CPSF3: variants seen among roughly 807,000 people sequenced by gnomAD.
The protein encoded by CPSF3 is cleavage and polyadenylation specificity factor subunit 3.
In CPSF3, 57 loss-of-function variants were observed where a neutral mutation model predicts 84.1. The observed-to-expected ratio is 0.68, with a 90% confidence interval of 0.55 to 0.85. CPSF3 has a LOEUF of 0.85. CPSF3 is among the 40% of genes least tolerant of loss of function. CPSF3 has a pLI of 0.00. For missense variants in CPSF3, 522 were observed against 838.8 expected (o/e 0.62, Z 4.66); for synonymous variants, 275 against 278.1 (o/e 0.99, Z 0.11).
In CPSF3 at chr2:9,433,868, C is replaced by T. The variant is rs371153328; in HGVS notation, c.520-3C>T. 1 of 1,595,552 alleles carries T rather than the reference C, an allele frequency of 6.3e-7. No homozygotes were observed. Among genetic ancestry groups the T allele is most frequent in the African/African-American group, 1.4e-5 (1 of 74,068 alleles). On this transcript the variant is annotated splice_region_variant and splice_polypyrimidine_tract_variant and intron_variant, in intron 5 of 17. Coordinates refer to ENST00000238112, the MANE Select transcript of CPSF3 (RefSeq NM_016207.4). Reference sequence around the variant, plus strand: ...TAACTTTCTAGTTTTATCTTTTTCACAGCTTTTGTACACTGGTGATTTCTC... The same window carrying T: ...TAACTTTCTAGTTTTATCTTTTTCATAGCTTTTGTACACTGGTGATTTCTC...
At chr2:9,466,196 TCACACACACACGCGCACACACGCACG>T (rs1681906392) in intron 15 of CPSF3, among the ~76,000 whole-genome samples, 1 of 141,548 alleles carries the variant, frequency 7.1e-6, no homozygotes, top group South Asian at 2.3e-4. Flanking sequence ...ACACACGCGC[TCACACACACACGCGCACACACGCACG>T]CACACACACA....
rs536286172 is a variant in CPSF3, at chr2:9,433,979, T to C, written c.609+19T>C. 12 of 1,361,970 alleles carry C rather than the reference T, an allele frequency of 8.8e-6. No individual in the cohort carries two copies. The highest frequency in any genetic ancestry group is 1.2e-5 in the Non-Finnish European group (12 of 964,706). The allele number at this position is 1,361,970 out of a possible 1,614,324, so 84.4% of individuals were successfully genotyped here. On this transcript the variant is annotated intron_variant, in intron 6 of 17. Coordinates refer to ENST00000238112, the MANE Select transcript of CPSF3 (RefSeq NM_016207.4). The stretch of plus-strand genomic sequence containing the variant: ...TATCATTGTAAGTATTAATATACTA[T>C]ATTGTAATCAATGTAATGTAAGCAG...
Position 9,455,729 on chromosome 2 carries a change from GCT to G in CPSF3, c.1578_1579del (p.Cys527LeufsTer9). On this transcript the variant is annotated frameshift_variant, in exon 13 of 18. Coordinates refer to ENST00000238112, the MANE Select transcript of CPSF3 (RefSeq NM_016207.4). LOFTEE classifies it high-confidence loss of function. The stretch of plus-strand genomic sequence containing the variant: ...TTCCATATACTGGTCCCTTTAATTT[GCT>G]CTGTTACCAGCTGCAGAAATTGACA... ...AIPYTGPFNL[L>X]CYQLQKLTGD... 1 of 1,613,638 alleles carries G rather than the reference GCT, an allele frequency of 6.2e-7. No homozygotes were observed. Among genetic ancestry groups the G allele is most frequent in the Non-Finnish European group, 8.5e-7 (1 of 1,179,762 alleles).
intron 12 of CPSF3, 32 bp from the exon 13 acceptor site, chr2:9,455,627 T>G (rs775633343): frequency 1.3e-6 from 2 of 1,483,578 alleles, no homozygotes; most frequent in Non-Finnish European, 1.9e-6. Flanking sequence ...AGGACTAGTA[T>G]TTCTTCAAGT....
intron 6 of CPSF3, 45 bp from the exon 7 acceptor site, chr2:9,436,166 G>A: frequency 6.8e-7 from 1 of 1,474,864 alleles, no homozygotes; most frequent in South Asian, 1.4e-5. Context: ...TTGAATTCTT[G>A]GAGGATCATT....
intron 1 of CPSF3, among the ~76,000 whole-genome samples, chr2:9,426,048 C>G (rs910877004): frequency 2.0e-5 from 3 of 152,148 alleles, no homozygotes; most frequent in African/African-American, 7.2e-5. Flanking sequence ...CATAATCTTT[C>G]CAAGGTTCAA....
chr2:9,431,647 A>G (rs986202492), intron 4 of CPSF3, among the ~76,000 whole-genome samples: 8 of 149,218 alleles, frequency 5.4e-5, no homozygotes, highest in Non-Finnish European at 1.2e-4. Flanking sequence ...GGGTTCAGGC[A>G]ATTCTCATGT....
chr2:9,433,160 A>G (rs1209981528), intron 5 of CPSF3, among the ~76,000 whole-genome samples: 1 of 152,188 alleles, frequency 6.6e-6, no homozygotes, highest in African/African-American at 2.4e-5. Context: ...ACTTCTGACA[A>G]CGTGGGTGGG....
chr2:9,426,602 C>T (rs975636722), intron 1 of CPSF3, among the ~76,000 whole-genome samples: 1 of 151,978 alleles, frequency 6.6e-6, no homozygotes, highest in African/African-American at 2.4e-5. Flanking sequence ...AGCAAACCCT[C>T]GGAATATCAA....
rs371143282 is a variant in CPSF3, at chr2:9,448,260, T to C, written c.1305T>C (p.Tyr435=). The C allele has an allele frequency of 1.2e-6, 2 of 1,612,374 alleles. No homozygotes were observed. The highest frequency in any genetic ancestry group is 1.7e-6 in the Non-Finnish European group (2 of 1,178,662). The change falls in exon 11 of 18, where the codon TAT becomes TAC. Residue 435 remains tyrosine, a synonymous_variant. Coordinates refer to ENST00000238112, the MANE Select transcript of CPSF3 (RefSeq NM_016207.4). ...ARLKAALIRE[Y]EDNDEVHIEV... is the part of the protein sequence containing the mutation. Reference sequence around the variant, plus strand: ...TGAAAGCAGCACTGATTCGAGAATATGAAGATAACGATGAAGTTCACATAG... The same window carrying C: ...TGAAAGCAGCACTGATTCGAGAATACGAAGATAACGATGAAGTTCACATAG...
intron 7 of CPSF3, among the ~76,000 whole-genome samples, chr2:9,438,386 A>G (rs1051314776): frequency 6.6e-6 from 1 of 152,362 alleles, no homozygotes; most frequent in East Asian, 1.9e-4. Context: ...GCCACCATCA[A>G]ATTGGGTTGC....
At position 9,443,565 on chromosome 2, in the gene CPSF3, A is replaced by G; in HGVS notation, c.1146A>G (p.Leu382=). The G allele has an allele frequency of 6.2e-7, 1 of 1,614,138 alleles. No homozygotes were observed. The highest frequency in any genetic ancestry group is 1.1e-5 in the South Asian group (1 of 91,086). The stretch of plus-strand genomic sequence containing the variant: ...TCACTACTATGTCTGGACAGAAGTT[A>G]CCACTGAAAATGTCTGTTGATTACA... The part of the protein sequence containing the change: ...EEITTMSGQK[L]PLKMSVDYIS... Residue 382 remains leucine (L), a synonymous_variant, in exon 10 of 18, where the codon TTA becomes TTG. Coordinates refer to ENST00000238112, the MANE Select transcript of CPSF3 (RefSeq NM_016207.4).
intron 4 of CPSF3, 88 bp downstream of exon 4, chr2:9,430,968 G>A: frequency 4.2e-6 from 4 of 962,380 alleles, no homozygotes; most frequent in Non-Finnish European, 4.8e-6. Flanking sequence ...TTTAAAATGA[G>A]GTGCTCCCTT....
chr2:9,461,595 G>C (rs1021056256), intron 15 of CPSF3, among the ~76,000 whole-genome samples: 1 of 151,338 alleles, frequency 6.6e-6, no homozygotes, highest in Non-Finnish European at 1.5e-5. Flanking sequence ...GCTTGAAACC[G>C]GGGGGCGGAG....
intron 5 of CPSF3, among the ~76,000 whole-genome samples, chr2:9,433,314 C>G (rs960035523): frequency 3.3e-5 from 5 of 152,206 alleles, no homozygotes; most frequent in African/African-American, 1.2e-4. Context: ...CTAGGTGATT[C>G]TAACGTCAGC....
chr2:9,430,925 C>A, intron 4 of CPSF3, 45 bp downstream of exon 4: 1 of 1,513,020 alleles, frequency 6.6e-7, no homozygotes, highest in South Asian at 1.1e-5. Context: ...CTCTATATGG[C>A]ATGTATGGTT....
At chr2:9,441,735 C>T (rs1680964447) in intron 8 of CPSF3, 83 bp from the exon 9 acceptor site, 2 of 1,381,184 alleles carry the variant, frequency 1.4e-6, no homozygotes, top group African/African-American at 1.4e-5. Context: ...ATCTCTTAGC[C>T]TTTTGTTATT....
chr2:9,454,882 A>G (rs976713200), intron 12 of CPSF3, among the ~76,000 whole-genome samples: 5 of 152,128 alleles, frequency 3.3e-5, no homozygotes, highest in African/African-American at 1.2e-4. Context: ...CCAGCCCTTG[A>G]AATCTGTCTA....
rs2002044 is a variant in CPSF3 at position 9,430,925 on chromosome 2, C to T, written c.341+45C>T. The T allele has an allele frequency of 0.56, 847,652 of 1,507,028 alleles. 249,390 individuals carry two copies. Among genetic ancestry groups the T allele is most frequent in the African/African-American group, 0.76 (54,783 of 72,200 alleles). The allele number at this position is 1,507,028 out of a possible 1,614,324, so 93.4% of individuals were successfully genotyped here. A position where few individuals can be genotyped will look rare whatever the true frequency, so the allele number is the denominator to read the frequency against. On this transcript the variant is annotated intron_variant, in intron 4 of 17. Coordinates refer to ENST00000238112, the MANE Select transcript of CPSF3 (RefSeq NM_016207.4). ...TATACACGACTTTGGCTCTATATGG[C>T]ATGTATGGTTCAAGATATGGACCAT...
Sources: allele counts gnomAD v4.1 joint callset (sites outside exome capture counted in the v4.1 genomes callset), GRCh38; gene constraint gnomAD v4.1.1; transcripts MANE v1.5; gene names NCBI Gene and HGNC (gene_info 2026-07-23, HGNC 2026-07-21).